Variants in BMPR2 observed in about 807,000 individuals in gnomAD.
BMPR2 encodes bone morphogenetic protein receptor type 2, also known as bone morphogenetic protein receptor type-2.
Under a neutral mutation model 100.8 loss-of-function variants are expected in BMPR2, and 29 were observed. That is an observed-to-expected ratio of 0.29 (90% CI 0.21 to 0.39). BMPR2 has a LOEUF of 0.39. Ranked by LOEUF, BMPR2 falls within the 10% of genes least tolerant of loss-of-function variation. The probability of loss-of-function intolerance (pLI) is 1.00; values close to 1 mark genes in which losing one functional copy is unlikely to be tolerated. For missense variants in BMPR2, 1,011 were observed against 1,274.5 expected (o/e 0.79, Z 3.15); for synonymous variants, 382 against 442.3 (o/e 0.86, Z 1.71).
chr2:202,422,318 T>G (rs1251912378), intron 1 of BMPR2, among the ~76,000 whole-genome samples: 2 of 151,262 alleles, frequency 1.3e-5, no homozygotes, highest in Non-Finnish European at 2.9e-5. Context: ...GTTTTTTTGT[T>G]TTTTTTGAGA....
chr2:202,525,711 T>C (rs1235707943), intron 7 of BMPR2, among the ~76,000 whole-genome samples: 2 of 152,060 alleles, frequency 1.3e-5, no homozygotes, highest in Non-Finnish European at 2.9e-5. Flanking sequence ...TCAAATAATA[T>C]TGGGTTCTGT....
intron 1 of BMPR2, among the ~76,000 whole-genome samples, chr2:202,402,376 G>T (rs1690782927): frequency 6.6e-6 from 1 of 152,014 alleles, no homozygotes; most frequent in African/African-American, 2.4e-5. Flanking sequence ...AAGTTAGCCG[G>T]GTGTGGTGGC....
chr2:202,513,640 TTCTAAAGGGCAGTC>T (rs1269587076), intron 3 of BMPR2, 65 bp from the exon 4 acceptor site: 1 of 1,062,776 alleles, frequency 9.4e-7, no homozygotes, highest in African/African-American at 1.6e-5. Context: ...GGTACAGCCT[TTCTAAAGGGCAGTC>T]TGTCAGTATT....
intron 1 of BMPR2, among the ~76,000 whole-genome samples, chr2:202,404,928 A>T (rs147827532): frequency 0.022 from 3,412 of 152,004 alleles, 118 homozygotes; most frequent in African/African-American, 0.077. Context: ...GGCTCAAGCA[A>T]TCCTCCCACC....
At chr2:202,443,887 T>C (rs1458692445) in intron 1 of BMPR2, among the ~76,000 whole-genome samples, 1 of 150,538 alleles carries the variant, frequency 6.6e-6, no homozygotes, top group African/African-American at 2.5e-5. Flanking sequence ...ATAATTTCTG[T>C]GTGTGTATAT....
At chr2:202,534,263 T>G (rs1183116276) in intron 9 of BMPR2, among the ~76,000 whole-genome samples, 1 of 150,058 alleles carries the variant, frequency 6.7e-6, no homozygotes, top group African/African-American at 2.4e-5. Flanking sequence ...TTTATTTATT[T>G]ATTTATTTAT....
In BMPR2 at chr2:202,496,769, C is replaced by T. The variant is rs1032105156; in HGVS notation, c.419-16950C>T. ...GCTGGCAGTCCTTACCGCCCTCGCT[C>T]GCTCTCAGCGCCTCCTCTGCCTGGG... On this transcript the variant is annotated intron_variant, in intron 3 of 12. Transcript: ENST00000374580. 1.8e-4 allele frequency among the ~76,000 whole-genome samples: 28 copies of T among 152,378 alleles called. 1 individual carries two copies. The highest frequency in any genetic ancestry group is 6.7e-4 in the African/African-American group (28 of 41,598).
chr2:202,411,415 GAA>G (rs1218292677), intron 1 of BMPR2, among the ~76,000 whole-genome samples: 1 of 152,184 alleles, frequency 6.6e-6, no homozygotes, highest in Non-Finnish European at 1.5e-5. Flanking sequence ...CAGAAACAAG[GAA>G]AAAGAGTGAT....
chr2:202,453,707 TA>T (rs1692033928), intron 1 of BMPR2, among the ~76,000 whole-genome samples: 1 of 152,128 alleles, frequency 6.6e-6, no homozygotes, highest in Non-Finnish European at 1.5e-5. Flanking sequence ...TGGGGATGGT[TA>T]ATGGGTACAA....
intron 9 of BMPR2, among the ~76,000 whole-genome samples, chr2:202,541,355 A>C (rs774354459): frequency 1.3e-5 from 2 of 151,450 alleles, no homozygotes; most frequent in South Asian, 4.1e-4. Flanking sequence ...ACTTGAGTGC[A>C]GGAGTTCAAG....
Position 202,532,876 on chromosome 2 carries a change from G to C in BMPR2, c.1276+144G>C. On this transcript the variant is annotated intron_variant, in intron 9 of 12. Coordinates refer to ENST00000374580, the MANE Select transcript of BMPR2 (RefSeq NM_001204.7). This position sits in a 1 kb window ranked among gnomAD's most constrained non-coding sequence, Gnocchi z 4.1. ...TTAGTTCATTGCTATCTAGTGTTTA[G>C]AAACATTATTAGCAGCAGGATGCAA... is the stretch of plus-strand genomic sequence containing the variant. 2.9e-6 allele frequency: 3 copies of C among 1,038,428 alleles called. No individual in the cohort carries two copies. The highest frequency in any genetic ancestry group is 4.1e-6 in the Non-Finnish European group (3 of 730,504). 64.3% of individuals were successfully genotyped at this position (1,038,428 alleles called of 1,614,324 possible).
chr2:202,480,678 G>A (rs1692639998), intron 3 of BMPR2, among the ~76,000 whole-genome samples: 1 of 151,912 alleles, frequency 6.6e-6, no homozygotes, highest in South Asian at 2.1e-4. Context: ...GACAGGCCGG[G>A]CACGGTGGCT....
At chr2:202,444,814 G>T (rs539740585) in intron 1 of BMPR2, among the ~76,000 whole-genome samples, 1 of 150,822 alleles carries the variant, frequency 6.6e-6, no homozygotes, top group East Asian at 1.9e-4. Context: ...TTGAGATGGA[G>T]TTTCACCCTT....
At chr2:202,435,376 CATATATATATAT>C (rs141854934) in intron 1 of BMPR2, among the ~76,000 whole-genome samples, 28 of 103,426 alleles carry the variant, frequency 2.7e-4, no homozygotes, top group East Asian at 1.0e-3. Flanking sequence ...AAAAAAAATA[CATATATATATAT>C]ATATATATAT....
chr2:202,380,196 C>CA (rs55798616), intron 1 of BMPR2, among the ~76,000 whole-genome samples: 88 of 136,750 alleles, frequency 6.4e-4, no homozygotes, highest in South Asian at 1.6e-3. Context: ...ATGCCCCCCC[C>CA]AAAAAAAAAA....
At chr2:202,514,493 A>G (rs1687679872) in intron 4 of BMPR2, among the ~76,000 whole-genome samples, 1 of 152,242 alleles carries the variant, frequency 6.6e-6, no homozygotes, top group Non-Finnish European at 1.5e-5. Flanking sequence ...TGAAAAAATA[A>G]CAGTAATTCC....
chr2:202,557,230 G>T (rs1374533978), intron 12 of BMPR2, among the ~76,000 whole-genome samples: 3 of 152,034 alleles, frequency 2.0e-5, no homozygotes, highest in African/African-American at 7.2e-5. Context: ...TTGGGAGGCT[G>T]AGGCAGGTGG....
chr2:202,485,893 C>T (rs1692768277), intron 3 of BMPR2, among the ~76,000 whole-genome samples: 1 of 152,032 alleles, frequency 6.6e-6, no homozygotes, highest in African/African-American at 2.4e-5. Context: ...TCAGGAACCA[C>T]CATATGCAGG....
intron 3 of BMPR2, 82 bp from the exon 4 acceptor site, chr2:202,513,637 C>T: frequency 1.0e-6 from 1 of 991,956 alleles, no homozygotes; most frequent in South Asian, 1.3e-5. Flanking sequence ...ATGGGTACAG[C>T]CTTTCTAAAG....
Sources: allele counts gnomAD v4.1 joint callset (sites outside exome capture counted in the v4.1 genomes callset), GRCh38; gene constraint gnomAD v4.1.1; non-coding constraint Gnocchi (gnomAD v3.1); transcripts MANE v1.5; gene names NCBI Gene and HGNC (gene_info 2026-07-23, HGNC 2026-07-21).